The following PTPRD variants were observed in gnomAD, a reference collection of about 807,000 sequenced individuals.
PTPRD encodes receptor-type tyrosine-protein phosphatase delta.
PTPRD carries 34 observed loss-of-function variants against 214.5 expected under a neutral mutation model. The observed-to-expected ratio is 0.16, with a 90% CI of 0.12 to 0.21. The LOEUF (loss-of-function observed/expected upper bound fraction) is 0.21. Among genes scored for constraint, PTPRD ranks in the 10% least tolerant of loss-of-function variants. The pLI is 1.00. For missense variants in PTPRD, 2,545 were observed against 2,398.7 expected (o/e 1.06, Z -1.27); for synonymous variants, 1,128 against 845.7 (o/e 1.33, Z -5.79).
intron 2 of PTPRD, among the ~76,000 whole-genome samples, chr9:10,610,504 A>T (rs1567200154): frequency 6.7e-6 from 1 of 149,498 alleles, no homozygotes; most frequent in Non-Finnish European, 1.5e-5. Context: ...TTTTTCAATA[A>T]TTAAGTTTTT....
intron 8 of PTPRD, among the ~76,000 whole-genome samples, chr9:9,432,539 GT>G (rs535848642): frequency 4.7e-4 from 71 of 152,244 alleles, no homozygotes; most frequent in African/African-American, 1.7e-3. Flanking sequence ...TTACTGAAGA[GT>G]TTTTTAATTT....
At chr9:9,057,922 T>C (rs530047904) in intron 10 of PTPRD, among the ~76,000 whole-genome samples, 2 of 152,274 alleles carry the variant, frequency 1.3e-5, no homozygotes, top group African/African-American at 4.8e-5. Flanking sequence ...ATAAAAATAA[T>C]CATAGGCTAC....
In PTPRD at chr9:10,095,550, C is replaced by T. The variant is rs527244882; in HGVS notation, c.-544-61760G>A. ...AATACAGAAGACTAGACAGTGGTGC[C>T]TTCTCTATATACCAGACAGCGTGAA... On this transcript the variant is annotated intron_variant, in intron 3 of 45. Coordinates refer to ENST00000381196, the MANE Select transcript of PTPRD (RefSeq NM_002839.4). 3.0e-4 allele frequency among the ~76,000 whole-genome samples: 45 copies of T among 151,602 alleles called. 1 individual carries two copies. The highest frequency in any genetic ancestry group is 1.0e-3 in the African/African-American group (43 of 41,462).
At chr9:8,971,909 A>C (rs1382280136) in intron 11 of PTPRD, among the ~76,000 whole-genome samples, 1 of 151,822 alleles carries the variant, frequency 6.6e-6, no homozygotes, top group Non-Finnish European at 1.5e-5. Flanking sequence ...AATTCATTAA[A>C]GTATATTATT....
chr9:8,485,435 G>T, intron 28 of PTPRD, 111 bp from the exon 29 acceptor site: 1 of 730,448 alleles, frequency 1.4e-6, no homozygotes, highest in Non-Finnish European at 2.3e-6. Flanking sequence ...TTTGATCAGA[G>T]AGAGAAGTAT....
At chr9:9,724,581 CT>C in intron 7 of PTPRD, among the ~76,000 whole-genome samples, 1 of 152,170 alleles carries the variant, frequency 6.6e-6, no homozygotes, top group East Asian at 1.9e-4. Context: ...TTAACAGATC[CT>C]TAAGTGGATG....
At chr9:8,447,054 T>C (rs1020190342) in intron 34 of PTPRD, among the ~76,000 whole-genome samples, 2 of 152,236 alleles carry the variant, frequency 1.3e-5, no homozygotes, top group Admixed American at 6.5e-5. Context: ...GGCCACAACA[T>C]AGAGCTTGGA....
At chr9:10,586,019 G>A (rs2073778112) in intron 2 of PTPRD, among the ~76,000 whole-genome samples, 1 of 151,986 alleles carries the variant, frequency 6.6e-6, no homozygotes, top group Non-Finnish European at 1.5e-5. Flanking sequence ...AATGTTGTAT[G>A]AGAAATTCAT....
At chr9:9,275,092 T>TAA (rs1212270612) in intron 9 of PTPRD, among the ~76,000 whole-genome samples, 1 of 74,332 alleles carries the variant, frequency 1.3e-5, no homozygotes, top group South Asian at 3.2e-4. Flanking sequence ...AATATATATG[T>TAA]TATATATATA....
chr9:9,446,908 GA>G (rs1407790287), intron 8 of PTPRD, among the ~76,000 whole-genome samples: 2 of 152,004 alleles, frequency 1.3e-5, no homozygotes, highest in African/African-American at 4.8e-5. Flanking sequence ...AGAAGCATAT[GA>G]AAAAAAGCTC....
chr9:9,545,322 A>T (rs1170984352), intron 8 of PTPRD, among the ~76,000 whole-genome samples: 1 of 151,344 alleles, frequency 6.6e-6, no homozygotes, highest in African/African-American at 2.4e-5. Flanking sequence ...CCTTTCTCTA[A>T]CCCCTGACAA....
chr9:9,703,652 T>C (rs1034658287), intron 7 of PTPRD, among the ~76,000 whole-genome samples: 2 of 152,310 alleles, frequency 1.3e-5, no homozygotes, highest in East Asian at 3.9e-4. Flanking sequence ...TTGCTATCTG[T>C]TGATTTGTTC....
At chr9:9,385,599 G>A (rs915344181) in intron 9 of PTPRD, among the ~76,000 whole-genome samples, 2 of 152,136 alleles carry the variant, frequency 1.3e-5, no homozygotes, top group African/African-American at 4.8e-5. Context: ...CTGTGGCATG[G>A]CTATGTGCAT....
chr9:9,005,630 G>A (rs2099459657), intron 11 of PTPRD, among the ~76,000 whole-genome samples: 1 of 152,002 alleles, frequency 6.6e-6, no homozygotes, highest in South Asian at 2.1e-4. Context: ...AAATTCTGCT[G>A]CTTTCAGCTG....
At position 10,117,612 on chromosome 9, in the gene PTPRD, G is replaced by GTT. The variant is rs35593505; in HGVS notation, c.-544-83824_-544-83823dup. Among the ~76,000 whole-genome samples, 423 of 144,684 alleles carry GTT rather than the reference G, an allele frequency of 2.9e-3. 2 individuals carry two copies. Among genetic ancestry groups the GTT allele is most frequent in the African/African-American group, 8.9e-3 (353 of 39,566 alleles). The allele number at this position is 144,684 out of a possible 152,430, so 94.9% of individuals were successfully genotyped here. A position where few individuals can be genotyped will look rare whatever the true frequency, so the allele number is the denominator to read the frequency against. ...TTCCCTGTATGGATTAAATCTCCCC[G>GTT]TTTTTTTTTTTTTCTTATAATAATA... On this transcript the variant is annotated intron_variant, in intron 3 of 45. Coordinates refer to ENST00000381196, the MANE Select transcript of PTPRD (RefSeq NM_002839.4).
intron 35 of PTPRD, among the ~76,000 whole-genome samples, chr9:8,416,527 G>C (rs1039377443): frequency 6.6e-6 from 1 of 152,154 alleles, no homozygotes; most frequent in Non-Finnish European, 1.5e-5. Context: ...TGTCATGTCA[G>C]AGGCAGAAGG....
chr9:8,413,186 G>C (rs1344004488), intron 35 of PTPRD, among the ~76,000 whole-genome samples: 2 of 152,092 alleles, frequency 1.3e-5, no homozygotes, highest in African/African-American at 4.8e-5. Context: ...CCTAAACATA[G>C]ATGTATTTTA....
chr9:9,177,727 A>C (rs556772728), intron 10 of PTPRD, among the ~76,000 whole-genome samples: 1 of 152,236 alleles, frequency 6.6e-6, no homozygotes, highest in Admixed American at 6.5e-5. Flanking sequence ...GATGTAAACA[A>C]ATCAATTTAA....
intron 3 of PTPRD, among the ~76,000 whole-genome samples, chr9:10,091,430 G>C (rs533104514): frequency 6.7e-4 from 102 of 151,454 alleles, no homozygotes; most frequent in African/African-American, 2.4e-3. Flanking sequence ...AAATTGTTCT[G>C]AAAATATTAG....
Sources: gnomAD v4.1 joint callset for allele counts (sites outside exome capture counted in the v4.1 genomes callset) on GRCh38, gnomAD v4.1.1 for gene constraint, MANE v1.5 for transcripts, NCBI Gene and HGNC (gene_info 2026-07-23, HGNC 2026-07-21) for gene names.